Variants in DALRD3 observed in about 807,000 individuals in gnomAD.
The protein encoded by DALRD3 is DALR anticodon-binding domain-containing protein 3.
A neutral mutation model predicts 56.7 loss-of-function variants in DALRD3; 47 were observed. The ratio of observed to expected loss-of-function variants is 0.83; its 90% CI spans 0.66 to 1.06. DALRD3 has a LOEUF of 1.06. Among genes scored for constraint, DALRD3 ranks in the 50% least tolerant of loss-of-function variants. DALRD3 has a pLI of 0.00. For missense variants in DALRD3, 787 were observed against 724.0 expected, an observed-to-expected ratio of 1.09 and a Z score of -1.00; for synonymous variants, 347 against 308.5, an observed-to-expected ratio of 1.12 and a Z score of -1.31.
At position 49,018,415 on chromosome 3, in the gene DALRD3, G is replaced by A. The variant is rs2093117946; in HGVS notation, c.150C>T (p.Arg50=). ...FLAPHRALQA[R]FDDGQVPEHL... ...TCACGCCCACCTGGCCGTCATCGAA[G>A]CGCGCCTGCAGCGCGCGGTGCGGTG... The change falls in exon 1 of 12, where the codon CGC becomes CGT. Residue 50 remains arginine, a synonymous_variant. Coordinates refer to ENST00000341949, the MANE Select transcript of DALRD3 (RefSeq NM_001009996.3). 8 of 1,574,582 alleles carry A rather than the reference G, an allele frequency of 5.1e-6. No individual in the cohort carries two copies. The highest frequency in any genetic ancestry group is 1.4e-5 in the African/African-American group (1 of 73,814).
upstream of DALRD3, among the ~76,000 whole-genome samples, chr3:49,019,670 G>T (rs1235583123): frequency 6.6e-6 from 1 of 151,000 alleles, no homozygotes; most frequent in Admixed American, 6.6e-5. Flanking sequence ...ATAGAGACGG[G>T]GTTTCTCCAT....
At position 49,016,369 on chromosome 3, in the gene DALRD3, G is replaced by A. The variant is rs1478567038; in HGVS notation, c.1147-29C>T. The A allele has an allele frequency of 5.6e-6, 9 of 1,604,064 alleles. 1 individual carries two copies. In the South Asian group the frequency reaches 1.0e-4, roughly 18 times the overall value. The stretch of plus-strand genomic sequence containing the variant: ...GGGAATAGAAGCACAGCTGCAGAGA[G>A]AGAAGGCAGCCACCACACCCTGTGC... On this transcript the variant is annotated intron_variant, in intron 8 of 11. Transcript: ENST00000341949.
chr3:49,018,140 C>A lies in DALRD3; in HGVS notation c.344G>T (p.Gly115Val). ...YATPASPASL[G>V]QRVLLHCPAL... The stretch of plus-strand genomic sequence containing the variant: ...TGGGCAGTGTAGTAAGACGCGCTGG[C>A]CCAGCGAGGCAGGCGAGGCGGGCGT... Residue 115 changes from glycine (G) to valine (V), a missense_variant, in exon 2 of 12, where the codon GGC becomes GTC. By Grantham distance (109) the Gly-to-Val change is moderately radical. Coordinates refer to ENST00000341949, the MANE Select transcript of DALRD3 (RefSeq NM_001009996.3). 6.8e-7 allele frequency: 1 copy of A among 1,463,520 alleles called. No individual in the cohort carries two copies. The allele number at this position is 1,463,520 out of a possible 1,614,324, so 90.7% of individuals were successfully genotyped here. A position where few individuals can be genotyped will look rare whatever the true frequency, so the allele number is the denominator to read the frequency against.
upstream of DALRD3, among the ~76,000 whole-genome samples, chr3:49,019,387 C>T (rs1355053835): frequency 6.6e-6 from 1 of 151,578 alleles, no homozygotes; most frequent in Non-Finnish European, 1.5e-5. Flanking sequence ...GTCTTTATGC[C>T]CAATAAATAA....
intron 11 of DALRD3, 22 bp downstream of exon 11, chr3:49,015,782 C>T: frequency 6.2e-7 from 1 of 1,614,144 alleles, no homozygotes; most frequent in Non-Finnish European, 8.5e-7. Flanking sequence ...GCACGTCCCA[C>T]CCCATTTTGC....
At chr3:49,017,964 C>A in intron 2 of DALRD3, 59 bp downstream of exon 2, 2 of 1,499,402 alleles carry the variant, frequency 1.3e-6, no homozygotes, top group South Asian at 2.6e-5. Flanking sequence ...CGGCGCCGCT[C>A]GCTTTCTAGG....
At position 49,015,889 on chromosome 3, in the gene DALRD3, A is replaced by C. The variant is rs750153587; in HGVS notation, c.1444-17T>G. The C allele has an allele frequency of 1.2e-6, 2 of 1,614,186 alleles. No homozygotes were observed. Among genetic ancestry groups the C allele is most frequent in the South Asian group, 2.2e-5 (2 of 91,088 alleles). ...CTTGCATATCTAGAGACAGAGACTG[A>C]GTCACTGGCCCATCTCTTTGCTCTT... On this transcript the variant is annotated splice_polypyrimidine_tract_variant and intron_variant, in intron 10 of 11. Transcript: ENST00000341949.
chr3:49,017,390 G>A (rs1307875241), intron 4 of DALRD3, 34 bp from the exon 5 acceptor site: 25 of 1,614,086 alleles, frequency 1.5e-5, no homozygotes, highest in Admixed American at 1.7e-5. Flanking sequence ...TGGAAGTACA[G>A]TATACTTGGT....
Position 49,015,628 on chromosome 3 carries a change from C to T in DALRD3, c.1592G>A (p.Gly531Asp). The T allele has an allele frequency of 6.2e-7, 1 of 1,614,088 alleles. No individual in the cohort carries two copies. The highest frequency in any genetic ancestry group is 8.5e-7 in the Non-Finnish European group (1 of 1,180,022). ...LRAVREVLHT[G>D]LAMLGLPPLS... is the part of the protein sequence containing the mutation. The stretch of plus-strand genomic sequence containing the variant: ...TGGAGGGAGACCCAGCATAGCCAGG[C>T]CAGTATGGAGCACCTCACGCACAGC... The change falls in exon 12 of 12, where the codon GGC becomes GAC. Residue 531 changes from glycine (G) to aspartate (D), a missense_variant. Transcript: ENST00000341949.
Position 49,015,821 on chromosome 3 carries a change from G to T in DALRD3, c.1495C>A (p.Arg499=), listed in dbSNP as rs761345422. The change falls in exon 11 of 12, where the codon CGG becomes AGG. Residue 499 remains arginine, a synonymous_variant. Transcript: ENST00000341949. ...GTGCTCACCCCCAGGATGTGTACCC[G>T]GTTGTAGTAGGAGCTGAAATCCATG... ...LSMDFSSYYN[R]VHILGEPRPH... is the part of the protein sequence containing the mutation. 1 of 1,614,064 alleles carries T rather than the reference G, an allele frequency of 6.2e-7. No homozygotes were observed. Among genetic ancestry groups the T allele is most frequent in the East Asian group, 2.2e-5 (1 of 44,892 alleles).
At position 49,015,814 on chromosome 3, in the gene DALRD3, T is replaced by C; in HGVS notation, c.1502A>G (p.His501Arg). The C allele has an allele frequency of 1.2e-6, 2 of 1,614,186 alleles. No homozygotes were observed. Among genetic ancestry groups the C allele is most frequent in the Non-Finnish European group, 1.7e-6 (2 of 1,180,030 alleles). ...TTGCTGTGTGCTCACCCCCAGGATG[T>C]GTACCCGGTTGTAGTAGGAGCTGAA... ...MDFSSYYNRV[H>R]ILGEPRPHLF... is the part of the protein sequence containing the mutation. Residue 501 changes from histidine to arginine, a missense_variant, in exon 11 of 12, where the codon CAC becomes CGC. Transcript: ENST00000341949.
At chr3:49,020,493 G>T, upstream of DALRD3, 3 of 391,054 alleles carry the variant, frequency 7.7e-6, no homozygotes, top group South Asian at 5.7e-5. Context: ...ACCAGCCTCG[G>T]CTCTCCCACG....
Position 49,016,003 on chromosome 3 carries a change from C to CG in DALRD3, c.1412dup (p.Leu473AlafsTer54). ...CTGTGCGTACAGCAATGTGGAGCCC[C>CG]GGGGCTGTGCAGTCCAGCACTGCTG... On this transcript the variant is annotated frameshift_variant, in exon 10 of 12. Transcript: ENST00000341949. LOFTEE classifies it high-confidence loss of function. 6.2e-7 allele frequency: 1 copy of CG among 1,610,596 alleles called. No homozygotes were observed. Among genetic ancestry groups the CG allele is most frequent in the Non-Finnish European group, 8.5e-7 (1 of 1,177,646 alleles).
At position 49,018,403 on chromosome 3, in the gene DALRD3, G is replaced by T; in HGVS notation, c.162C>A (p.Gly54=). Residue 54 remains glycine, a synonymous_variant, in exon 1 of 12, where the codon GGC becomes GGA. Transcript: ENST00000341949. ...HRALQARFDD[G]QVPEHLLHAL... is the part of the protein sequence containing the mutation. Reference sequence around the variant, plus strand: ...GCCCCGCCCGGCTCACGCCCACCTGGCCGTCATCGAAGCGCGCCTGCAGCG... The same window carrying T: ...GCCCCGCCCGGCTCACGCCCACCTGTCCGTCATCGAAGCGCGCCTGCAGCG... The T allele has an allele frequency of 6.4e-7, 1 of 1,567,110 alleles. No homozygotes were observed. Among genetic ancestry groups the T allele is most frequent in the East Asian group, 2.4e-5 (1 of 42,022 alleles).
chr3:49,019,132 G>A (rs1378322700), upstream of DALRD3: 1 of 655,508 alleles, frequency 1.5e-6, no homozygotes, highest in African/African-American at 2.0e-5. Flanking sequence ...GGAGTGCAGT[G>A]GCACGATCTC....
chr3:49,019,634 C>T (rs1176535133), upstream of DALRD3, among the ~76,000 whole-genome samples: 1 of 152,036 alleles, frequency 6.6e-6, no homozygotes, highest in African/African-American at 2.4e-5. Flanking sequence ...CACGCGCCAC[C>T]ACGCCCGGCT....
At chr3:49,020,876 G>A, upstream of DALRD3, 1 of 291,130 alleles carries the variant, frequency 3.4e-6, no homozygotes, top group Non-Finnish European at 7.2e-6. Flanking sequence ...AGGGGAGGTG[G>A]GGGCCTCCCC....
chr3:49,015,887 T>C lies in DALRD3; in HGVS notation c.1444-15A>G. ...AACTTGCATATCTAGAGACAGAGAC[T>C]GAGTCACTGGCCCATCTCTTTGCTC... On this transcript the variant is annotated splice_polypyrimidine_tract_variant and intron_variant, in intron 10 of 11. Coordinates refer to ENST00000341949, the MANE Select transcript of DALRD3 (RefSeq NM_001009996.3). 6.2e-7 allele frequency: 1 copy of C among 1,614,206 alleles called. No individual in the cohort carries two copies. Among genetic ancestry groups the C allele is most frequent in the South Asian group, 1.1e-5 (1 of 91,084 alleles).
chr3:49,015,723 C>A lies in DALRD3; in HGVS notation c.1513-16G>T. ...GTCGAGGCTCCTGAAAGAGAAAGGG[C>A]CTGCTGGTCTCATCCTCTGCTTCCT... On this transcript the variant is annotated splice_polypyrimidine_tract_variant and intron_variant, in intron 11 of 11. Coordinates refer to ENST00000341949, the MANE Select transcript of DALRD3 (RefSeq NM_001009996.3). 1.2e-6 allele frequency: 2 copies of A among 1,614,054 alleles called. No homozygotes were observed. The highest frequency in any genetic ancestry group is 1.7e-6 in the Non-Finnish European group (2 of 1,179,998).
Sources: allele counts gnomAD v4.1 joint callset (sites outside exome capture counted in the v4.1 genomes callset), GRCh38; gene constraint gnomAD v4.1.1; transcripts MANE v1.5; gene names NCBI Gene and HGNC (gene_info 2026-07-23, HGNC 2026-07-21).